Variants in SEC61A2 observed in about 807,000 individuals in gnomAD.
The protein encoded by SEC61A2 is SEC61 translocon subunit alpha 2, also known as protein transport protein Sec61 subunit alpha isoform 2.
A neutral mutation model predicts 59.9 loss-of-function variants in SEC61A2; 28 were observed. The ratio of observed to expected loss-of-function variants is 0.47; its 90% CI spans 0.35 to 0.64. The LOEUF (loss-of-function observed/expected upper bound fraction) is 0.64, where lower values mean the gene tolerates loss of function less well. Among genes scored for constraint, SEC61A2 ranks in the 30% least tolerant of loss-of-function variants. The probability of loss-of-function intolerance (pLI) is 0.01; values close to 1 mark genes in which losing one functional copy is unlikely to be tolerated. For synonymous variants in SEC61A2, 202 were observed against 214.4 expected, an observed-to-expected ratio of 0.94 and a Z score of 0.50; for missense variants, 340 against 585.9, an observed-to-expected ratio of 0.58 and a Z score of 4.33.
chr10:12,163,870 G>A (rs1834595597), intron 11 of SEC61A2, among the ~76,000 whole-genome samples: 1 of 152,004 alleles, frequency 6.6e-6, no homozygotes, highest in South Asian at 2.1e-4. Flanking sequence ...TGCAGCCAAA[G>A]GTTGAATTAC....
In SEC61A2 at chr10:12,152,026, T is replaced by G. The variant is rs1056336064; in HGVS notation, c.462+2065T>G. On this transcript the variant is annotated intron_variant, in intron 6 of 11. Transcript: ENST00000298428. This position sits in a 1 kb window ranked among gnomAD's most constrained non-coding sequence, Gnocchi z 5.5. Reference sequence around the variant, plus strand: ...TGCTGTTCAAGTATTTATTTAGCATTGTTAACAATAAACATGACTTTTCTA... The same window carrying G: ...TGCTGTTCAAGTATTTATTTAGCATGGTTAACAATAAACATGACTTTTCTA... 2.6e-5 allele frequency among the ~76,000 whole-genome samples: 4 copies of G among 152,242 alleles called. No individual in the cohort carries two copies. The highest frequency in any genetic ancestry group is 2.6e-4 in the Admixed American group (4 of 15,286).
chr10:12,161,178 C>G lies in SEC61A2; in HGVS notation c.1167+57C>G, dbSNP rs1287968751. ...CTTGGCAATGCATGGTGGCGCACAT[C>G]TGTAATCGTAGCACTTTGGCAGGCT... On this transcript the variant is annotated intron_variant, in intron 10 of 11. Transcript: ENST00000298428. This position sits in a 1 kb window ranked among gnomAD's most constrained non-coding sequence, Gnocchi z 5.4. 2.9e-5 allele frequency: 41 copies of G among 1,410,428 alleles called. No homozygotes were observed. The highest frequency in any genetic ancestry group is 6.7e-5 in the South Asian group (5 of 74,212). 87.4% of individuals were successfully genotyped at this position (1,410,428 alleles called of 1,614,324 possible).
At chr10:12,157,706 T>C (rs1247393055) in intron 8 of SEC61A2, among the ~76,000 whole-genome samples, 1 of 152,124 alleles carries the variant, frequency 6.6e-6, no homozygotes, top group African/African-American at 2.4e-5. Context: ...TTTCACCACG[T>C]TGGCCAGGAT....
intron 4 of SEC61A2, among the ~76,000 whole-genome samples, chr10:12,148,633 C>T (rs900136371): frequency 5.3e-5 from 8 of 150,610 alleles, no homozygotes; most frequent in Non-Finnish European, 1.2e-4. Flanking sequence ...TCCAACTCCT[C>T]GGTTCAAGGG....
downstream of SEC61A2, chr10:12,167,900 C>G: frequency 6.4e-7 from 1 of 1,559,054 alleles, no homozygotes; most frequent in African/African-American, 1.4e-5. Flanking sequence ...GCAGGTACTA[C>G]TATATGTCAC....
At chr10:12,141,540 C>T (rs1337927751) in intron 3 of SEC61A2, among the ~76,000 whole-genome samples, 1 of 152,050 alleles carries the variant, frequency 6.6e-6, no homozygotes, top group African/African-American at 2.4e-5. Context: ...AAGTTAATGT[C>T]CTCATTATGG....
intron 11 of SEC61A2, among the ~76,000 whole-genome samples, chr10:12,163,278 G>A (rs1834570618): frequency 6.7e-6 from 1 of 148,292 alleles, no homozygotes; most frequent in Non-Finnish European, 1.5e-5. Context: ...AGAGTAGCTT[G>A]GGACCACAGG....
chr10:12,158,239 T>G lies in SEC61A2; in HGVS notation c.975+134T>G. On this transcript the variant is annotated intron_variant, in intron 9 of 11. Coordinates refer to ENST00000298428, the MANE Select transcript of SEC61A2 (RefSeq NM_018144.4). The surrounding 1 kb of genome is among the most constrained non-coding windows in gnomAD (Gnocchi z 5.7). ...ATTCACTTACCTATATAGCAGAGTT[T>G]AGTACTTATCTGGAAGAACTGGTAA... The G allele has an allele frequency of 1.4e-6, 1 of 708,780 alleles. No homozygotes were observed. Among genetic ancestry groups the G allele is most frequent in the Non-Finnish European group, 2.3e-6 (1 of 435,426 alleles). 43.9% of individuals were successfully genotyped at this position (708,780 alleles called of 1,614,324 possible).
intron 3 of SEC61A2, among the ~76,000 whole-genome samples, chr10:12,139,025 G>A (rs1339394725): frequency 6.6e-6 from 1 of 152,104 alleles, no homozygotes; most frequent in Non-Finnish European, 1.5e-5. Flanking sequence ...GCAGTGGCAC[G>A]ATTTCGGCTC....
downstream of SEC61A2, among the ~76,000 whole-genome samples, chr10:12,168,880 A>C (rs1484530366): frequency 6.6e-6 from 1 of 151,956 alleles, no homozygotes; most frequent in Non-Finnish European, 1.5e-5. This position sits in a 1 kb window ranked among gnomAD's most constrained non-coding sequence, Gnocchi z 4.8. Context: ...CTCCTGCCCC[A>C]GCCTCCTGAG....
At position 12,164,537 on chromosome 10, in the gene SEC61A2, C is replaced by T; in HGVS notation, c.*83C>T. The T allele has an allele frequency of 6.5e-7, 1 of 1,528,428 alleles. No individual in the cohort carries two copies. The highest frequency in any genetic ancestry group is 8.8e-7 in the Non-Finnish European group (1 of 1,142,050). 94.7% of individuals were successfully genotyped at this position (1,528,428 alleles called of 1,614,324 possible). On this transcript the variant is annotated 3_prime_UTR_variant, in exon 12 of 12. Coordinates refer to ENST00000298428, the MANE Select transcript of SEC61A2 (RefSeq NM_018144.4). This position sits in a 1 kb window ranked among gnomAD's most constrained non-coding sequence, Gnocchi z 7.3. ...TTGTCAGATGACACTGGTGGCTCCC[C>T]TTTTCTCCCCTCACAGTTTCTTGTT...
At chr10:12,147,933 T>C (rs1468907110) in intron 4 of SEC61A2, among the ~76,000 whole-genome samples, 1 of 151,568 alleles carries the variant, frequency 6.6e-6, no homozygotes, top group Non-Finnish European at 1.5e-5. Flanking sequence ...GAAATCTATC[T>C]AATATCTTTT....
At position 12,160,987 on chromosome 10, in the gene SEC61A2, CTT is replaced by C; in HGVS notation, c.1035_1036del (p.Pro347SerfsTer2). 6.2e-7 allele frequency: 1 copy of C among 1,614,122 alleles called. No individual in the cohort carries two copies. The highest frequency in any genetic ancestry group is 8.5e-7 in the Non-Finnish European group (1 of 1,179,988). ...SYPVGGLCYY[L>X]SPPESMGAIF... ...CCCAGTTGGAGGCCTTTGTTACTATCTTTCTCCTCCTGAGTCCATGGGCGCCA... is the reference window on the plus strand; with the variant it reads ...CCCAGTTGGAGGCCTTTGTTACTATCTCTCCTCCTGAGTCCATGGGCGCCA... On this transcript the variant is annotated frameshift_variant, in exon 10 of 12. Coordinates refer to ENST00000298428, the MANE Select transcript of SEC61A2 (RefSeq NM_018144.4). LOFTEE classifies it high-confidence loss of function. The surrounding 1 kb of genome is among the most constrained non-coding windows in gnomAD (Gnocchi z 4.1).
rs955167739 is a variant in SEC61A2 at position 12,152,434 on chromosome 10, G to A, written c.462+2473G>A. On this transcript the variant is annotated intron_variant, in intron 6 of 11. Transcript: ENST00000298428. The surrounding 1 kb of genome is among the most constrained non-coding windows in gnomAD (Gnocchi z 5.5). ...TTATTTGGAAGCTTTCTGATCCCCA[G>A]TGTGTTCGCATTTGGTAGAAGATAC... Among the ~76,000 whole-genome samples the A allele has an allele frequency of 3.3e-5, 5 of 152,152 alleles. No homozygotes were observed. The highest frequency in any genetic ancestry group is 2.9e-5 in the Non-Finnish European group (2 of 68,020).
intron 3 of SEC61A2, 147 bp downstream of exon 3, chr10:12,136,317 AT>A (rs1209145795): frequency 7.5e-4 from 337 of 448,106 alleles, no homozygotes; most frequent in East Asian, 1.0e-3. Flanking sequence ...TTTATTATTA[AT>A]TTTTTTTTGA....
Position 12,161,241 on chromosome 10 carries a change from C to G in SEC61A2, c.1167+120C>G. Reference sequence around the variant, plus strand: ...TCGCTTCACCTCAGGAGTTTTGAGACCAGCCTGGGCAACATAGCGAGACCC... The same window carrying G: ...TCGCTTCACCTCAGGAGTTTTGAGAGCAGCCTGGGCAACATAGCGAGACCC... On this transcript the variant is annotated intron_variant, in intron 10 of 11. Coordinates refer to ENST00000298428, the MANE Select transcript of SEC61A2 (RefSeq NM_018144.4). This position sits in a 1 kb window ranked among gnomAD's most constrained non-coding sequence, Gnocchi z 5.4. 1.4e-6 allele frequency: 1 copy of G among 729,136 alleles called. No homozygotes were observed. Among genetic ancestry groups the G allele is most frequent in the Non-Finnish European group, 2.2e-6 (1 of 457,040 alleles). 45.2% of individuals were successfully genotyped at this position (729,136 alleles called of 1,614,324 possible). A position where few individuals can be genotyped will look rare whatever the true frequency, so the allele number is the denominator to read the frequency against.
At chr10:12,130,893 T>C (rs941119516) in intron 1 of SEC61A2, 3 of 152,140 alleles carry the variant, frequency 2.0e-5, no homozygotes, top group African/African-American at 7.2e-5. Context: ...CAGTGACTGG[T>C]GGGGCGCAGA....
Position 12,149,749 on chromosome 10 carries a change from A to G in SEC61A2, c.352+23A>G, listed in dbSNP as rs1443780574. On this transcript the variant is annotated intron_variant, in intron 5 of 11. Transcript: ENST00000298428. The surrounding 1 kb of genome is among the most constrained non-coding windows in gnomAD (Gnocchi z 5.2). ...AACGTGAGCATTAATGCAATTAAAG[A>G]GCATTCTCCAAATTTGAGAGTGCTC... 1.2e-6 allele frequency: 2 copies of G among 1,606,532 alleles called. No individual in the cohort carries two copies. Among genetic ancestry groups the G allele is most frequent in the Admixed American group, 3.4e-5 (2 of 58,418 alleles).
At chr10:12,148,771 G>A (rs934515330) in intron 4 of SEC61A2, among the ~76,000 whole-genome samples, 1 of 151,552 alleles carries the variant, frequency 6.6e-6, no homozygotes, top group Admixed American at 6.6e-5. Flanking sequence ...TGATCTGTTG[G>A]CTTTGGCCTC....
Sources: allele counts gnomAD v4.1 joint callset (sites outside exome capture counted in the v4.1 genomes callset), GRCh38; gene constraint gnomAD v4.1.1; non-coding constraint Gnocchi (gnomAD v3.1); transcripts MANE v1.5; gene names NCBI Gene and HGNC (gene_info 2026-07-23, HGNC 2026-07-21).